Variants in CD226 observed in about 807,000 individuals in gnomAD.
CD226 encodes the protein CD226 antigen.
In CD226, 24 loss-of-function variants were observed where a neutral mutation model predicts 34.9. The ratio of observed to expected loss-of-function variants is 0.69; its 90% CI spans 0.50 to 0.97. The LOEUF is 0.97. Ranked by LOEUF, CD226 falls within the 50% of genes least tolerant of loss-of-function variation. The pLI is 0.00. For synonymous variants in CD226, 148 were observed against 147.4 expected, an observed-to-expected ratio of 1.00 and a Z score of -0.03; for missense variants, 397 against 412.7, an observed-to-expected ratio of 0.96 and a Z score of 0.33.
At chr18:69,897,315 G>C (rs147380180) in intron 2 of CD226, among the ~76,000 whole-genome samples, 55 of 152,248 alleles carry the variant, frequency 3.6e-4, no homozygotes, top group Admixed American at 3.1e-3. Context: ...CAAAAAGTTT[G>C]GGAACCCGAT....
chr18:69,957,467 C>G (rs1270606871), upstream of CD226, among the ~76,000 whole-genome samples: 2 of 151,956 alleles, frequency 1.3e-5, no homozygotes, highest in African/African-American at 4.8e-5. Flanking sequence ...AGGTTTTTTG[C>G]TGCACCAGGC....
intron 2 of CD226, among the ~76,000 whole-genome samples, chr18:69,909,875 T>C (rs1019682128): frequency 2.0e-5 from 3 of 152,146 alleles, no homozygotes; most frequent in Admixed American, 6.5e-5. Flanking sequence ...ATAGAGAATA[T>C]TGGAAAGAAT....
intron 3 of CD226, among the ~76,000 whole-genome samples, chr18:69,882,074 T>C (rs1984296809): frequency 6.6e-6 from 1 of 152,218 alleles, no homozygotes; most frequent in Admixed American, 6.5e-5. Flanking sequence ...GCAACTACTT[T>C]TCCTCAAAAT....
intron 2 of CD226, among the ~76,000 whole-genome samples, chr18:69,910,238 G>C (rs558004707): frequency 6.6e-6 from 1 of 152,334 alleles, no homozygotes; most frequent in South Asian, 2.1e-4. Flanking sequence ...CCAAAGACTA[G>C]AACACAGAAA....
intron 3 of CD226, among the ~76,000 whole-genome samples, chr18:69,892,061 T>C (rs1984934640): frequency 6.6e-6 from 1 of 152,226 alleles, no homozygotes; most frequent in African/African-American, 2.4e-5. Context: ...TTTCATGTCA[T>C]TCCTCAGCTC....
chr18:69,953,642 G>A (rs940823599), intron 1 of CD226, among the ~76,000 whole-genome samples: 8 of 152,314 alleles, frequency 5.3e-5, no homozygotes, highest in African/African-American at 1.7e-4. Flanking sequence ...TTTGGAATCT[G>A]ATAAAAGCGG....
intron 2 of CD226, among the ~76,000 whole-genome samples, chr18:69,945,354 C>T (rs1260923821): frequency 1.3e-5 from 2 of 152,186 alleles, no homozygotes; most frequent in Admixed American, 6.5e-5. Context: ...GCAACTAACA[C>T]CAGGTTGATG....
At chr18:69,899,815 T>A (rs188974542) in intron 2 of CD226, among the ~76,000 whole-genome samples, 32 of 152,334 alleles carry the variant, frequency 2.1e-4, no homozygotes, top group African/African-American at 6.7e-4. Flanking sequence ...AGGGAACACT[T>A]ATACACTGTT....
intron 3 of CD226, among the ~76,000 whole-genome samples, chr18:69,874,887 C>T (rs1983765644): frequency 6.6e-6 from 1 of 152,192 alleles, no homozygotes; most frequent in Admixed American, 6.5e-5. Flanking sequence ...GGTTTATCCA[C>T]CCTGTCACAC....
rs59216052 is a variant in CD226, at chr18:69,861,554, G to GTGTATGTATATATATATA, written c.*2759_*2760insTATATATATATACATACA. The stretch of plus-strand genomic sequence containing the variant: ...ATAAATTATATGTGTATATATATAT[G>GTGTATGTATATATATATA]TATATATATATATATATATGTAAAA... On this transcript the variant is annotated 3_prime_UTR_variant, in exon 6 of 6. Transcript: ENST00000582621. 7.8e-6 allele frequency: 1 copy of GTGTATGTATATATATATA among 127,948 alleles called. No individual in the cohort carries two copies. Among genetic ancestry groups the GTGTATGTATATATATATA allele is most frequent in the Admixed American group, 8.5e-5 (1 of 11,704 alleles). 7.9% of individuals were successfully genotyped at this position (127,948 alleles called of 1,614,324 possible). A position where few individuals can be genotyped will look rare whatever the true frequency, so the allele number is the denominator to read the frequency against.
At chr18:69,908,905 C>A (rs2055289190) in intron 2 of CD226, among the ~76,000 whole-genome samples, 1 of 152,244 alleles carries the variant, frequency 6.6e-6, no homozygotes, top group Non-Finnish European at 1.5e-5. Context: ...CCTTCCACTT[C>A]ATTCCAAGAA....
intron 2 of CD226, among the ~76,000 whole-genome samples, chr18:69,897,303 A>G (rs1985356377): frequency 6.6e-6 from 1 of 152,252 alleles, no homozygotes; most frequent in Non-Finnish European, 1.5e-5. Flanking sequence ...GGGTCTTGAG[A>G]CCAAAAAGTT....
intron 3 of CD226, among the ~76,000 whole-genome samples, chr18:69,873,738 G>A (rs1277041555): frequency 6.6e-6 from 1 of 152,104 alleles, no homozygotes; most frequent in Admixed American, 6.5e-5. Flanking sequence ...CAGTGTGGTG[G>A]TGCATGCCTA....
At chr18:69,867,315 TA>T in intron 5 of CD226, 41 bp downstream of exon 5, 1 of 1,377,226 alleles carries the variant, frequency 7.3e-7, no homozygotes, top group Non-Finnish European at 1.0e-6. Flanking sequence ...TTTGCATCTG[TA>T]AATTACAAAA....
intron 5 of CD226, 76 bp downstream of exon 5, chr18:69,867,281 T>C (rs532922974): frequency 2.2e-4 from 198 of 916,832 alleles, no homozygotes; most frequent in Admixed American, 9.5e-4. Context: ...AAATATAAGA[T>C]TGCTAACTGC....
At chr18:69,874,810 TAAGTG>T (rs1224405870) in intron 3 of CD226, among the ~76,000 whole-genome samples, 1 of 152,228 alleles carries the variant, frequency 6.6e-6, no homozygotes, top group Admixed American at 6.5e-5. Context: ...ATTCCACAAA[TAAGTG>T]AAGTCATACA....
At chr18:69,947,323 GC>G (rs770389981) in intron 1 of CD226, 37 bp downstream of exon 1, 2 of 1,378,478 alleles carry the variant, frequency 1.5e-6, no homozygotes, top group African/African-American at 1.5e-5. Flanking sequence ...AAAAACAGGA[GC>G]AAAACTTTTA....
chr18:69,886,688 A>G (rs944850243), intron 3 of CD226, among the ~76,000 whole-genome samples: 2 of 151,924 alleles, frequency 1.3e-5, no homozygotes, highest in Non-Finnish European at 2.9e-5. Flanking sequence ...CCTGGGCAAC[A>G]GAGTGAGAAC....
intron 3 of CD226, among the ~76,000 whole-genome samples, chr18:69,880,503 A>G (rs1984182709): frequency 6.6e-6 from 1 of 152,098 alleles, no homozygotes; most frequent in Admixed American, 6.6e-5. Context: ...TCACTTAAAT[A>G]TGGAACCTAA....
Sources: gnomAD v4.1 joint callset for allele counts (sites outside exome capture counted in the v4.1 genomes callset) on GRCh38, gnomAD v4.1.1 for gene constraint, MANE v1.5 for transcripts, NCBI Gene and HGNC (gene_info 2026-07-23, HGNC 2026-07-21) for gene names.